The following PSD3 variants were observed in gnomAD, a reference collection of about 807,000 sequenced individuals.
PSD3 encodes pleckstrin and Sec7 domain containing 3.
In PSD3, 49 loss-of-function variants were observed where a neutral mutation model predicts 105.5. That is an observed-to-expected ratio of 0.46 (90% confidence interval 0.37 to 0.59). The LOEUF (loss-of-function observed/expected upper bound fraction) is 0.59, where lower values mean the gene tolerates loss of function less well. Among genes scored for constraint, PSD3 ranks in the 20% least tolerant of loss-of-function variants. PSD3 has a pLI of 0.00. For missense variants in PSD3, 1,561 were observed against 1,263.8 expected (o/e 1.24, Z -3.57); for synonymous variants, 557 against 457.8 (o/e 1.22, Z -2.77).
chr8:18,694,104 T>C (rs930520489), intron 9 of PSD3, among the ~76,000 whole-genome samples: 10 of 152,176 alleles, frequency 6.6e-5, no homozygotes, highest in African/African-American at 1.9e-4. Flanking sequence ...TTTGTTTCAG[T>C]GACAAAGATT....
intron 1 of PSD3, among the ~76,000 whole-genome samples, chr8:18,967,156 A>C (rs141593846): frequency 0.021 from 2,485 of 116,600 alleles, 77 homozygotes; most frequent in African/African-American, 0.07. Context: ...TTTTTTCTTT[A>C]TTTATTTTTT....
chr8:18,685,561 T>C (rs992227651), intron 9 of PSD3, among the ~76,000 whole-genome samples: 1 of 152,164 alleles, frequency 6.6e-6, no homozygotes, highest in Non-Finnish European at 1.5e-5. Flanking sequence ...TTGGAAGATC[T>C]TGGGGACTCT....
intron 1 of PSD3, among the ~76,000 whole-genome samples, chr8:18,986,102 G>A (rs1825482673): frequency 6.6e-6 from 1 of 152,102 alleles, no homozygotes; most frequent in South Asian, 2.1e-4. Context: ...TAGATTAATT[G>A]TGCAAGGTCA....
At chr8:18,690,630 C>CAGA (rs1172155452) in intron 9 of PSD3, among the ~76,000 whole-genome samples, 1 of 152,194 alleles carries the variant, frequency 6.6e-6, no homozygotes, top group African/African-American at 2.4e-5. Context: ...GAGCCTGCAC[C>CAGA]AGAACCCTGC....
intron 14 of PSD3, among the ~76,000 whole-genome samples, chr8:18,570,859 T>C (rs1049530215): frequency 6.7e-6 from 1 of 149,842 alleles, no homozygotes; most frequent in Admixed American, 6.7e-5. Flanking sequence ...TTATTATTAT[T>C]ATTATTATTA....
chr8:18,626,309 C>T (rs1227720772), intron 11 of PSD3, among the ~76,000 whole-genome samples: 1 of 151,364 alleles, frequency 6.6e-6, no homozygotes, highest in Non-Finnish European at 1.5e-5. Flanking sequence ...ACAAGTGTAT[C>T]AGCATTTAAA....
At chr8:18,871,519 C>T (rs1817346031) in intron 3 of PSD3, 107 bp downstream of exon 3, 2 of 1,400,822 alleles carry the variant, frequency 1.4e-6, no homozygotes, top group South Asian at 1.5e-5. Context: ...TCCATGATAA[C>T]AAGAACCCAA....
intron 1 of PSD3, among the ~76,000 whole-genome samples, chr8:19,018,939 G>A (rs1827268057): frequency 6.6e-6 from 1 of 152,246 alleles, no homozygotes; most frequent in South Asian, 2.1e-4. Context: ...TGGGACTACA[G>A]GCGCACACAG....
At chr8:18,719,090 C>A (rs184991971) in intron 9 of PSD3, among the ~76,000 whole-genome samples, 1 of 151,420 alleles carries the variant, frequency 6.6e-6, no homozygotes, top group Non-Finnish European at 1.5e-5. Flanking sequence ...AGACAGAGAT[C>A]GAAAATTAGG....
At chr8:18,684,663 T>G (rs1800567379) in intron 9 of PSD3, among the ~76,000 whole-genome samples, 1 of 152,198 alleles carries the variant, frequency 6.6e-6, no homozygotes, top group South Asian at 2.1e-4. Flanking sequence ...GCCAGATATT[T>G]CAAGAGGAAT....
intron 1 of PSD3, among the ~76,000 whole-genome samples, chr8:19,020,520 T>C (rs917795421): frequency 1.3e-5 from 2 of 152,044 alleles, no homozygotes; most frequent in Non-Finnish European, 1.5e-5. Flanking sequence ...TGGGACCTTA[T>C]AGGTTGTTGT....
At chr8:18,729,248 A>C (rs1479668822) in intron 9 of PSD3, among the ~76,000 whole-genome samples, 4 of 152,176 alleles carry the variant, frequency 2.6e-5, no homozygotes, top group African/African-American at 7.2e-5. Context: ...CAAACCTATA[A>C]ATTTTCATAA....
chr8:18,913,081 ACACAAACAC>A (rs1820347129), intron 2 of PSD3, among the ~76,000 whole-genome samples: 1 of 122,656 alleles, frequency 8.2e-6, no homozygotes, highest in African/African-American at 3.2e-5. Context: ...ACACACACAC[ACACAAACAC>A]ACACACACAC....
At chr8:18,847,023 A>G (rs141080171) in intron 4 of PSD3, among the ~76,000 whole-genome samples, 341 of 152,266 alleles carry the variant, frequency 2.2e-3, no homozygotes, top group African/African-American at 7.9e-3. Context: ...TTGTGCCTAC[A>G]ATACCCATGT....
intron 9 of PSD3, among the ~76,000 whole-genome samples, chr8:18,747,496 A>G (rs1007804205): frequency 2.6e-5 from 4 of 152,252 alleles, no homozygotes; most frequent in African/African-American, 9.6e-5. Flanking sequence ...TACAGGTGAA[A>G]GCAACAGCAA....
chr8:19,000,067 A>C (rs1217765532), intron 1 of PSD3: 1 of 151,158 alleles, frequency 6.6e-6, no homozygotes, highest in Non-Finnish European at 1.5e-5. Context: ...TACAAGCCAC[A>C]CCGAGAAGGT....
At chr8:18,636,621 C>G (rs900336468) in intron 10 of PSD3, among the ~76,000 whole-genome samples, 1 of 152,268 alleles carries the variant, frequency 6.6e-6, no homozygotes, top group South Asian at 2.1e-4. Context: ...TCTGCAAACT[C>G]CATTCATGGT....
chr8:18,571,826 G>C (rs1255072305), intron 14 of PSD3, among the ~76,000 whole-genome samples: 1 of 152,178 alleles, frequency 6.6e-6, no homozygotes, highest in Non-Finnish European at 1.5e-5. Flanking sequence ...CATCAAAGTA[G>C]CTTCCAAAAT....
At chr8:18,663,632 G>C (rs1401524121) in intron 9 of PSD3, among the ~76,000 whole-genome samples, 1 of 152,092 alleles carries the variant, frequency 6.6e-6, no homozygotes, top group Non-Finnish European at 1.5e-5. Context: ...ACCTTCTATT[G>C]AACTGGCTGT....
Sources: allele counts gnomAD v4.1 joint callset (sites outside exome capture counted in the v4.1 genomes callset), GRCh38; gene constraint gnomAD v4.1.1; transcripts MANE v1.5; gene names NCBI Gene and HGNC (gene_info 2026-07-23, HGNC 2026-07-21).